DOP1B: variants seen among roughly 807,000 people sequenced by gnomAD.
The protein encoded by DOP1B is DOP1 leucine zipper like protein B, also known as protein DOP1B.
A neutral mutation model predicts 233.5 loss-of-function variants in DOP1B; 174 were observed. That is an observed-to-expected ratio of 0.75 (90% confidence interval 0.66 to 0.85). DOP1B has a LOEUF of 0.85. DOP1B is among the 40% of genes least tolerant of loss of function. The pLI is 0.00. For synonymous variants in DOP1B, 1,190 were observed against 1,185.6 expected, an observed-to-expected ratio of 1.00 and a Z score of -0.08; for missense variants, 2,652 against 2,846.6, an observed-to-expected ratio of 0.93 and a Z score of 1.56.
At chr21:36,201,345 C>CTTTTTTGTTTTTTTTTTTTTTTTTTTTTT (rs2066363810) in intron 4 of DOP1B, among the ~76,000 whole-genome samples, 1 of 83,290 alleles carries the variant, frequency 1.2e-5, no homozygotes, top group South Asian at 4.5e-4. Flanking sequence ...CTATTGGATT[C>CTTTTTTGTTTTTTTTTTTTTTTTTTTTTT]TTTTTTTTTT....
chr21:36,176,097 C>CGTGTGCGTATGTGTGTGTGT (rs375729449), intron 2 of DOP1B, among the ~76,000 whole-genome samples: 56 of 141,848 alleles, frequency 3.9e-4, no homozygotes, highest in African/African-American at 9.0e-4. Context: ...GGTGTGTGTG[C>CGTGTGCGTATGTGTGTGTGT]GTGTGTGTGT....
At chr21:36,187,967 A>G (rs1358776925) in intron 2 of DOP1B, among the ~76,000 whole-genome samples, 2 of 151,724 alleles carry the variant, frequency 1.3e-5, no homozygotes, top group East Asian at 1.9e-4. Flanking sequence ...CTTCAGTTCT[A>G]CTCCTACTCA....
Position 36,232,995 on chromosome 21 carries a change from G to T in DOP1B, c.2542G>T (p.Gly848Cys). Residue 848 changes from glycine (G) to cysteine (C), a missense_variant, in exon 15 of 37, where the codon GGC becomes TGC. Physicochemically the swap from Gly to Cys is radical, Grantham distance 159. Transcript: ENST00000691173. Reference protein sequence around the residue: ...YKSSGHNPFFGKLQMVTVPPI... With the variant: ...YKSSGHNPFFCKLQMVTVPPI... ...GAGCTCTGGACACAACCCTTTTTTT[G>T]GCAAGCTGCAGATGGTGACGGTTCC... 1.2e-6 allele frequency: 2 copies of T among 1,613,864 alleles called. No homozygotes were observed. The highest frequency in any genetic ancestry group is 1.7e-6 in the Non-Finnish European group (2 of 1,179,956).
At chr21:36,178,939 TTCC>T (rs1447825271) in intron 2 of DOP1B, among the ~76,000 whole-genome samples, 2 of 152,190 alleles carry the variant, frequency 1.3e-5, no homozygotes, top group Admixed American at 1.3e-4. Flanking sequence ...CCCCAGAAGT[TTCC>T]TCCTGTCCTT....
At chr21:36,239,182 G>A (rs2066862808) in intron 17 of DOP1B, among the ~76,000 whole-genome samples, 1 of 152,180 alleles carries the variant, frequency 6.6e-6, no homozygotes, top group African/African-American at 2.4e-5. Flanking sequence ...AGTGAATTTA[G>A]GCCAGACACA....
intron 2 of DOP1B, among the ~76,000 whole-genome samples, chr21:36,185,667 C>T (rs1443687255): frequency 2.6e-5 from 4 of 152,146 alleles, no homozygotes; most frequent in Non-Finnish European, 5.9e-5. Context: ...AAGTGCTGTG[C>T]CATCGCAAAA....
At chr21:36,227,576 T>C in intron 12 of DOP1B, 110 bp from the exon 13 acceptor site, 1 of 933,594 alleles carries the variant, frequency 1.1e-6, no homozygotes, top group South Asian at 2.2e-5. Flanking sequence ...GAAAGAAAAT[T>C]AGTGTGAAAT....
chr21:36,270,552 C>CAAAAAAAA (rs398040600), intron 27 of DOP1B, among the ~76,000 whole-genome samples: 1 of 36,828 alleles, frequency 2.7e-5, no homozygotes. Flanking sequence ...GACTCCGTCT[C>CAAAAAAAA]AAAAAAAAAA....
intron 5 of DOP1B, among the ~76,000 whole-genome samples, chr21:36,210,371 G>A (rs1215722266): frequency 3.3e-5 from 5 of 151,960 alleles, no homozygotes; most frequent in African/African-American, 4.8e-5. Flanking sequence ...TAGCCTGGGC[G>A]CAGTGGCTCA....
At chr21:36,276,383 T>C (rs1329801926) in intron 27 of DOP1B, among the ~76,000 whole-genome samples, 3 of 151,848 alleles carry the variant, frequency 2.0e-5, no homozygotes, top group Non-Finnish European at 4.4e-5. Context: ...ATTTTAAAAT[T>C]ACCTGGGCGT....
chr21:36,160,351 A>G (rs2065858154), intron 1 of DOP1B, among the ~76,000 whole-genome samples: 1 of 152,144 alleles, frequency 6.6e-6, no homozygotes, highest in Non-Finnish European at 1.5e-5. Flanking sequence ...ATATTTTTGC[A>G]GAGAGGCACG....
rs763712532 is a variant in DOP1B, at chr21:36,211,630, C to T, written c.759C>T (p.Phe253=). The part of the protein sequence containing the change: ...QRNNLEIVLF[F]FPFYTCLDSN... Reference sequence around the variant, plus strand: ...ATAATCTGGAAATCGTTCTGTTTTTCTTCCCATTTTATACCTGTCTGGTAA... The same window carrying T: ...ATAATCTGGAAATCGTTCTGTTTTTTTTCCCATTTTATACCTGTCTGGTAA... Residue 253 remains phenylalanine, a synonymous_variant, in exon 6 of 37, where the codon TTC becomes TTT. Transcript: ENST00000691173. 222 of 1,613,984 alleles carry T rather than the reference C, an allele frequency of 1.4e-4. No homozygotes were observed. Among genetic ancestry groups the T allele is most frequent in the Non-Finnish European group, 1.7e-4 (203 of 1,180,028 alleles).
chr21:36,277,021 A>T lies in DOP1B; in HGVS notation c.5633A>T (p.Asp1878Val). Residue 1878 changes from aspartate (D) to valine (V), a missense_variant and splice_region_variant, in exon 28 of 37, where the codon GAT (aspartate) becomes GTT (valine). Physicochemically the swap from Asp to Val is radical, Grantham distance 152. Coordinates refer to ENST00000691173, the MANE Select transcript of DOP1B (RefSeq NM_001320714.2). ...TACAAATGGCTCTTTCTGTTCACAG[A>T]TGCTGCTGCAGCTTCAGCAATGGTG... ...EESDAEEDLY[D>V]AAAASAMVSS... is the part of the protein sequence containing the mutation. 1 of 1,614,032 alleles carries T rather than the reference A, an allele frequency of 6.2e-7. No individual in the cohort carries two copies.
chr21:36,226,747 C>T (rs1217749195), intron 12 of DOP1B, among the ~76,000 whole-genome samples: 1 of 152,150 alleles, frequency 6.6e-6, no homozygotes, highest in Non-Finnish European at 1.5e-5. Flanking sequence ...GCATGTGCCA[C>T]CACATCTGGA....
intron 11 of DOP1B, among the ~76,000 whole-genome samples, 172 bp downstream of exon 11, chr21:36,223,522 C>G (rs1406198331): frequency 1.3e-5 from 2 of 152,124 alleles, no homozygotes; most frequent in Non-Finnish European, 2.9e-5. Context: ...AAGATTCTAG[C>G]AGAATAAAAA....
At chr21:36,274,000 C>T (rs1047488157) in intron 27 of DOP1B, among the ~76,000 whole-genome samples, 4 of 152,004 alleles carry the variant, frequency 2.6e-5, no homozygotes, top group African/African-American at 9.7e-5. Flanking sequence ...ATGGCGTGAA[C>T]CAGGGAGGTG....
intron 4 of DOP1B, among the ~76,000 whole-genome samples, chr21:36,206,632 G>T (rs2066428770): frequency 6.6e-6 from 1 of 152,128 alleles, no homozygotes; most frequent in Non-Finnish European, 1.5e-5. Context: ...TTTGAGGGTG[G>T]AACCCCTCTT....
rs1568996068 is a variant in DOP1B at position 36,167,929 on chromosome 21, C to CTTTTTTTTTTTTTTTTTTTTTTTT, written c.138+3062_138+3063insTTTTTTTTTTTTTTTTTTTTTTTT. Among the ~76,000 whole-genome samples, 3 of 97,314 alleles carry CTTTTTTTTTTTTTTTTTTTTTTTT rather than the reference C, an allele frequency of 3.1e-5. 1 individual carries two copies. Among genetic ancestry groups the CTTTTTTTTTTTTTTTTTTTTTTTT allele is most frequent in the African/African-American group, 1.2e-4 (3 of 26,010 alleles). 63.8% of individuals were successfully genotyped at this position (97,314 alleles called of 152,430 possible). A position where few individuals can be genotyped will look rare whatever the true frequency, so the allele number is the denominator to read the frequency against. The stretch of plus-strand genomic sequence containing the variant: ...GGTAAGTCACATTTTCTTTTCTTTT[C>CTTTTTTTTTTTTTTTTTTTTTTTT]TTTTCTTTTTCTTTTTTTTTTTTTT... On this transcript the variant is annotated intron_variant, in intron 2 of 36. Transcript: ENST00000691173.
intron 13 of DOP1B, among the ~76,000 whole-genome samples, 169 bp from the exon 14 acceptor site, chr21:36,230,278 TCTC>T (rs1489951010): frequency 3.3e-5 from 5 of 152,178 alleles, no homozygotes; most frequent in Non-Finnish European, 5.9e-5. Context: ...CCGCTCTCCT[TCTC>T]CTGCTTTGGG....
Sources: gnomAD v4.1 joint callset for allele counts (sites outside exome capture counted in the v4.1 genomes callset) on GRCh38, gnomAD v4.1.1 for gene constraint, MANE v1.5 for transcripts, NCBI Gene and HGNC (gene_info 2026-07-23, HGNC 2026-07-21) for gene names.